Variants in NINL observed in about 807,000 individuals in gnomAD.
The protein encoded by NINL is ninein-like protein.
A neutral mutation model predicts 160.3 loss-of-function variants in NINL; 153 were observed. That is an observed-to-expected ratio of 0.95 (90% CI 0.84 to 1.09). NINL has a LOEUF of 1.09. Ranked by LOEUF, NINL falls within the 50% of genes least tolerant of loss-of-function variation. NINL has a pLI of 0.00. For synonymous variants in NINL, 800 were observed against 734.8 expected (o/e 1.09, Z -1.43); for missense variants, 1,829 against 1,764.0 (o/e 1.04, Z -0.66).
chr20:25,567,290 C>T (rs1568970872), intron 1 of NINL, among the ~76,000 whole-genome samples: 1 of 152,056 alleles, frequency 6.6e-6, no homozygotes, highest in Non-Finnish European at 1.5e-5. Flanking sequence ...AGCTATGAGA[C>T]AATTATCAAA....
intron 5 of NINL, 126 bp downstream of exon 5, chr20:25,510,548 C>T (rs934450125): frequency 3.2e-5 from 27 of 854,622 alleles, no homozygotes; most frequent in Non-Finnish European, 5.0e-5. Context: ...CAGCGGGACA[C>T]AACCCACCCC....
At position 25,453,552 on chromosome 20, in the gene NINL, TCTC is replaced by T; in HGVS notation, c.4045_4047del (p.Glu1349del). On this transcript the variant is annotated inframe_deletion, in exon 24 of 24. Coordinates refer to ENST00000278886, the MANE Select transcript of NINL (RefSeq NM_025176.6). ...CTTTGTTTCTCGGCGCCTCGCTGCT[TCTC>T]CTCGGTGGCCTGAAGTGCTCTCACC... 3.1e-6 allele frequency: 5 copies of T among 1,614,112 alleles called. No individual in the cohort carries two copies. Among genetic ancestry groups the T allele is most frequent in the Non-Finnish European group, 4.2e-6 (5 of 1,179,992 alleles).
At chr20:25,519,198 TTAA>T (rs1307750209) in intron 2 of NINL, among the ~76,000 whole-genome samples, 2 of 152,110 alleles carry the variant, frequency 1.3e-5, no homozygotes, top group Admixed American at 6.6e-5. Flanking sequence ...AAGTTGAGTA[TTAA>T]TAATACTTTT....
At chr20:25,500,456 C>G (rs534444643) in intron 8 of NINL, among the ~76,000 whole-genome samples, 1 of 152,334 alleles carries the variant, frequency 6.6e-6, no homozygotes, top group African/African-American at 2.4e-5. Flanking sequence ...TCCGGGCTCA[C>G]TCTGAGATCA....
chr20:25,504,159 C>T (rs532584754), intron 6 of NINL, 55 bp from the exon 7 acceptor site: 1 of 1,517,720 alleles, frequency 6.6e-7, no homozygotes, highest in Admixed American at 2.2e-5. Context: ...ACCCAACCGC[C>T]CTCACCAGGG....
intron 17 of NINL, among the ~76,000 whole-genome samples, chr20:25,474,384 C>T (rs754176679): frequency 4.6e-5 from 7 of 152,176 alleles, no homozygotes; most frequent in African/African-American, 1.7e-4. Context: ...CCACCAAGTC[C>T]GTGGAAATGC....
intron 1 of NINL, among the ~76,000 whole-genome samples, chr20:25,531,562 T>A (rs2064465056): frequency 6.6e-6 from 1 of 152,244 alleles, no homozygotes; most frequent in Non-Finnish European, 1.5e-5. Flanking sequence ...TCACAATTTA[T>A]GTTCTTCCAC....
rs1316430360 is a variant in NINL at position 25,462,521 on chromosome 20, T to C, written c.3444A>G (p.Gln1148=). 6 of 1,613,958 alleles carry C rather than the reference T, an allele frequency of 3.7e-6. No homozygotes were observed. The highest frequency in any genetic ancestry group is 4.5e-5 in the East Asian group (2 of 44,892). Residue 1148 remains glutamine (Q), a synonymous_variant, in exon 20 of 24, where the codon CAA becomes CAG. Transcript: ENST00000278886. ...GAACCCTGACATTGAGCTGGGATAA[T>C]TGATCCTTGTAGTTCTGATTCTGGG... The part of the protein sequence containing the change: ...LNRQNQNYKD[Q]LSQLNVRVLQ...
In NINL at chr20:25,519,083, C is replaced by T. The variant is rs537353749; in HGVS notation, c.181-1234G>A. Among the ~76,000 whole-genome samples, 637 of 130,520 alleles carry T rather than the reference C, an allele frequency of 4.9e-3. 1 individual carries two copies. The highest frequency in any genetic ancestry group is 0.02 in the Middle Eastern group (4 of 196). 85.6% of individuals were successfully genotyped at this position (130,520 alleles called of 152,430 possible). A position where few individuals can be genotyped will look rare whatever the true frequency, so the allele number is the denominator to read the frequency against. ...TTGCACTCCAGCCTAGGCAACAGAG[C>T]GAGACTCTGTCTCAAAAAAAAAAAA... On this transcript the variant is annotated intron_variant, in intron 2 of 23. Coordinates refer to ENST00000278886, the MANE Select transcript of NINL (RefSeq NM_025176.6).
rs2063357201 is a variant in NINL at position 25,480,194 on chromosome 20, A to G, written c.1884T>C (p.His628=). Residue 628 remains histidine, a synonymous_variant, in exon 15 of 24, where the codon CAT becomes CAC. Coordinates refer to ENST00000278886, the MANE Select transcript of NINL (RefSeq NM_025176.6). ...CCAGCTGGGTCCTGAGGTCTTGGTAATGCTCCTTTACCTGCTCCATCATCA... is the reference window on the plus strand; with the variant it reads ...CCAGCTGGGTCCTGAGGTCTTGGTAGTGCTCCTTTACCTGCTCCATCATCA... The part of the protein sequence containing the change: ...TELMMEQVKE[H]YQDLRTQLET... 4 of 1,613,968 alleles carry G rather than the reference A, an allele frequency of 2.5e-6. No homozygotes were observed. The highest frequency in any genetic ancestry group is 3.4e-6 in the Non-Finnish European group (4 of 1,179,976).
chr20:25,519,774 C>T (rs977419297), intron 2 of NINL, among the ~76,000 whole-genome samples: 2 of 151,548 alleles, frequency 1.3e-5, no homozygotes, highest in African/African-American at 2.4e-5. Context: ...CCCAGCACTT[C>T]GGGAGGCAGA....
chr20:25,565,221 C>G (rs1679518648), intron 1 of NINL, among the ~76,000 whole-genome samples: 1 of 152,052 alleles, frequency 6.6e-6, no homozygotes, highest in South Asian at 2.1e-4. Context: ...TGAAAAATGC[C>G]CAGAACATTC....
rs143756581 is a variant in NINL, at chr20:25,454,799, T to C, written c.3957+874A>G. Among the ~76,000 whole-genome samples, 41 of 152,264 alleles carry C rather than the reference T, an allele frequency of 2.7e-4. No homozygotes were observed. The South Asian group carries it at 3.5e-3, about 13-fold the overall frequency. ...CAGTTCCCACCTGCTGAGTTGGACT[T>C]CGAACATCTACAGACCAGGTGAGTT... is the stretch of plus-strand genomic sequence containing the variant. On this transcript the variant is annotated intron_variant, in intron 23 of 23. Coordinates refer to ENST00000278886, the MANE Select transcript of NINL (RefSeq NM_025176.6).
At chr20:25,537,089 G>C (rs1440679578) in intron 1 of NINL, among the ~76,000 whole-genome samples, 2 of 152,102 alleles carry the variant, frequency 1.3e-5, no homozygotes, top group African/African-American at 2.4e-5. Context: ...TAAACTTTCT[G>C]ACTTCCTTTG....
At chr20:25,545,476 C>A (rs1328786488) in intron 1 of NINL, among the ~76,000 whole-genome samples, 1 of 38,360 alleles carries the variant, frequency 2.6e-5, no homozygotes, top group Non-Finnish European at 7.4e-5. Context: ...AAATTCTGAG[C>A]CCCCCCCCAT....
chr20:25,571,522 CAG>C (rs1324755804), intron 1 of NINL, among the ~76,000 whole-genome samples: 1 of 152,066 alleles, frequency 6.6e-6, no homozygotes, highest in Non-Finnish European at 1.5e-5. Context: ...CATTTTAGTC[CAG>C]AGAGAAGGAA....
chr20:25,522,345 A>G (rs1358617231), intron 2 of NINL, among the ~76,000 whole-genome samples: 1 of 152,184 alleles, frequency 6.6e-6, no homozygotes, highest in Non-Finnish European at 1.5e-5. Flanking sequence ...CTCACTTGCC[A>G]CTATCAGAAC....
At chr20:25,521,695 T>C (rs781159513) in intron 2 of NINL, among the ~76,000 whole-genome samples, 1 of 152,234 alleles carries the variant, frequency 6.6e-6, no homozygotes, top group Non-Finnish European at 1.5e-5. Context: ...AATTCATCTT[T>C]ACCCTACAGG....
At chr20:25,479,292 TG>T (rs2063337482) in intron 15 of NINL, 86 bp from the exon 16 acceptor site, 2 of 1,496,552 alleles carry the variant, frequency 1.3e-6, no homozygotes, top group South Asian at 2.6e-5. Flanking sequence ...CGAAGCTGCC[TG>T]GCACAACGTG....
Sources: allele counts gnomAD v4.1 joint callset (sites outside exome capture counted in the v4.1 genomes callset), GRCh38; gene constraint gnomAD v4.1.1; transcripts MANE v1.5; gene names NCBI Gene and HGNC (gene_info 2026-07-23, HGNC 2026-07-21).